The following THSD4 variants were observed in gnomAD, a reference collection of about 807,000 sequenced individuals.
THSD4 encodes the protein thrombospondin type-1 domain-containing protein 4.
THSD4 carries 69 observed loss-of-function variants against 119.0 expected under a neutral mutation model. That is an observed-to-expected ratio of 0.58 (90% CI 0.48 to 0.71). The LOEUF (loss-of-function observed/expected upper bound fraction) is 0.71, where lower values mean the gene tolerates loss of function less well. Ranked by LOEUF, THSD4 falls within the 30% of genes least tolerant of loss-of-function variation. THSD4 has a pLI of 0.00. For synonymous variants in THSD4, 524 were observed against 540.4 expected (o/e 0.97, Z 0.42); for missense variants, 1,393 against 1,391.1 (o/e 1.00, Z -0.02).
At chr15:71,442,660 G>GTGTATGTATGTGTATATA in intron 7 of THSD4, among the ~76,000 whole-genome samples, 6 of 25,826 alleles carry the variant, frequency 2.3e-4, no homozygotes, top group Admixed American at 5.1e-4. Context: ...GTGTGTGTGT[G>GTGTATGTATGTGTATATA]TATATATATA....
chr15:71,724,287 A>ATATATATATATT lies in THSD4; in HGVS notation c.1358-4261_1358-4260insATATATATATTT. Among the ~76,000 whole-genome samples, 342 of 37,202 alleles carry ATATATATATATT rather than the reference A, an allele frequency of 9.2e-3. 7 individuals carry two copies. The highest frequency in any genetic ancestry group is 0.016 in the African/African-American group (246 of 15,020). The allele number at this position is 37,202 out of a possible 152,430, so 24.4% of individuals were successfully genotyped here. ...ATGGGATATATATATATATATATAT[A>ATATATATATATT]TTTTTTTTTTCCCCCCAAGATGGAA... On this transcript the variant is annotated intron_variant, in intron 8 of 17. Coordinates refer to ENST00000261862, the MANE Select transcript of THSD4 (RefSeq NM_024817.3).
At chr15:71,689,428 C>G (rs1025586244) in intron 8 of THSD4, among the ~76,000 whole-genome samples, 4 of 152,178 alleles carry the variant, frequency 2.6e-5, no homozygotes, top group African/African-American at 9.7e-5. Flanking sequence ...CCTTTCTCCT[C>G]ACATATAAAG....
chr15:71,573,182 G>T (rs140830332), intron 7 of THSD4, among the ~76,000 whole-genome samples: 45 of 152,274 alleles, frequency 3.0e-4, no homozygotes, highest in East Asian at 9.6e-4. Context: ...CTAGGTACAG[G>T]AATCATGACT....
intron 11 of THSD4, among the ~76,000 whole-genome samples, chr15:71,743,506 A>G (rs1033432699): frequency 5.3e-5 from 8 of 152,226 alleles, no homozygotes; most frequent in Non-Finnish European, 2.9e-5. Flanking sequence ...GTTGAATTTA[A>G]TTAAAAATCT....
chr15:71,714,134 C>T (rs1256240702), intron 8 of THSD4, among the ~76,000 whole-genome samples: 1 of 152,148 alleles, frequency 6.6e-6, no homozygotes, highest in Non-Finnish European at 1.5e-5. Context: ...TTGCACCAAC[C>T]TTAATACTTA....
chr15:71,216,603 G>A (rs2043934949), intron 4 of THSD4, among the ~76,000 whole-genome samples: 3 of 152,238 alleles, frequency 2.0e-5, no homozygotes, highest in Admixed American at 1.3e-4. Flanking sequence ...CAGAAGAGAG[G>A]AGTGAAGAAC....
intron 4 of THSD4, among the ~76,000 whole-genome samples, chr15:71,229,086 T>G (rs147826133): frequency 1.3e-5 from 2 of 152,248 alleles, no homozygotes; most frequent in African/African-American, 4.8e-5. Flanking sequence ...ATTTAAAAGC[T>G]GTACTGTGTT....
Position 71,660,748 on chromosome 15 carries a change from TTTTCCAGAGAA to T in THSD4, c.1357+15_1357+25del, listed in dbSNP as rs774852628. 1.6e-5 allele frequency: 26 copies of T among 1,613,788 alleles called. No individual in the cohort carries two copies. The highest frequency in any genetic ancestry group is 2.2e-5 in the Non-Finnish European group (26 of 1,179,930). ...ACAACTATTTGGGTAAGCTTGGTCT[TTTTCCAGAGAA>T]AACCGTCTGTCCCTGCCAGATGATG... On this transcript the variant is annotated intron_variant, in intron 8 of 17. Coordinates refer to ENST00000261862, the MANE Select transcript of THSD4 (RefSeq NM_024817.3).
At chr15:71,447,157 T>C (rs1380405556) in intron 7 of THSD4, among the ~76,000 whole-genome samples, 1 of 139,406 alleles carries the variant, frequency 7.2e-6, no homozygotes, top group Non-Finnish European at 1.5e-5. Context: ...AATCTCACTC[T>C]GTCGCCAGGC....
intron 14 of THSD4, among the ~76,000 whole-genome samples, chr15:71,753,667 C>G (rs1315401963): frequency 6.6e-6 from 1 of 152,226 alleles, no homozygotes; most frequent in Non-Finnish European, 1.5e-5. Context: ...CCTTTAAGGA[C>G]AGTGGGTGGG....
At chr15:71,124,177 T>C (rs2040433565) in intron 1 of THSD4, among the ~76,000 whole-genome samples, 1 of 152,208 alleles carries the variant, frequency 6.6e-6, no homozygotes, top group African/African-American at 2.4e-5. Context: ...TATTTTGACT[T>C]TGCAGGCTAT....
intron 7 of THSD4, among the ~76,000 whole-genome samples, chr15:71,422,414 A>T (rs1297333279): frequency 1.3e-5 from 2 of 152,228 alleles, no homozygotes; most frequent in Non-Finnish European, 2.9e-5. Context: ...CCTTAAGCCC[A>T]GTAATGCTGT....
At chr15:71,280,105 C>A (rs1012653106) in intron 6 of THSD4, among the ~76,000 whole-genome samples, 1 of 152,078 alleles carries the variant, frequency 6.6e-6, no homozygotes, top group Non-Finnish European at 1.5e-5. Context: ...TGGGACTGGG[C>A]GTGTGCAGAT....
intron 7 of THSD4, among the ~76,000 whole-genome samples, chr15:71,654,536 T>C (rs1567083856): frequency 2.0e-5 from 3 of 152,240 alleles, no homozygotes; most frequent in Non-Finnish European, 4.4e-5. Flanking sequence ...AAGAATTTAC[T>C]GGATCAAACG....
chr15:71,404,554 T>C (rs549130090), intron 6 of THSD4, among the ~76,000 whole-genome samples: 1 of 152,348 alleles, frequency 6.6e-6, no homozygotes, highest in African/African-American at 2.4e-5. Context: ...TATATCTGAA[T>C]GTTAGTGTCA....
chr15:71,595,966 T>A (rs948627865), intron 7 of THSD4, among the ~76,000 whole-genome samples: 2 of 152,244 alleles, frequency 1.3e-5, no homozygotes, highest in African/African-American at 4.8e-5. Context: ...GGTGACCGTT[T>A]CAGCATCTGC....
chr15:71,286,832 G>A (rs1373188651), intron 6 of THSD4, among the ~76,000 whole-genome samples: 1 of 152,030 alleles, frequency 6.6e-6, no homozygotes, highest in African/African-American at 2.4e-5. Flanking sequence ...TTGTCACTTT[G>A]ATAATAGCCA....
upstream of THSD4, chr15:71,111,790 A>G: frequency 1.9e-6 from 1 of 521,012 alleles, no homozygotes; most frequent in East Asian, 3.1e-5. Flanking sequence ...CTGGGACACA[A>G]TTCTCTGAAG....
At chr15:71,369,298 G>T (rs999955299) in intron 6 of THSD4, among the ~76,000 whole-genome samples, 1 of 152,108 alleles carries the variant, frequency 6.6e-6, no homozygotes, top group Non-Finnish European at 1.5e-5. Flanking sequence ...GATTGCCCTG[G>T]CCAGAACTTC....
Sources: allele counts gnomAD v4.1 joint callset (sites outside exome capture counted in the v4.1 genomes callset), GRCh38; gene constraint gnomAD v4.1.1; transcripts MANE v1.5; gene names NCBI Gene and HGNC (gene_info 2026-07-23, HGNC 2026-07-21).